TBCC: variants seen among roughly 807,000 people sequenced by gnomAD.
The protein encoded by TBCC is tubulin-specific chaperone C.
In TBCC, 25 loss-of-function variants were observed where a neutral mutation model predicts 25.3. The ratio of observed to expected loss-of-function variants is 0.99; its 90% confidence interval spans 0.72 to 1.38. TBCC has a LOEUF of 1.38. TBCC is among the 40% of genes most tolerant of loss of function. The pLI is 0.00. For synonymous variants in TBCC, 226 were observed against 192.8 expected (o/e 1.17, Z -1.43); for missense variants, 507 against 447.2 (o/e 1.13, Z -1.21).
Position 42,745,948 on chromosome 6 carries a change from C to T in TBCC, c.126G>A (p.Arg42=). 1.2e-6 allele frequency: 2 copies of T among 1,614,232 alleles called. No homozygotes were observed. The highest frequency in any genetic ancestry group is 1.7e-6 in the Non-Finnish European group (2 of 1,180,040). The change falls in exon 1 of 1, where the codon AGG becomes AGA. Residue 42 remains arginine (R), a synonymous_variant. Transcript: ENST00000372876. This position sits in a 1 kb window ranked among gnomAD's most constrained non-coding sequence, Gnocchi z 4.2. ...CCTGGTTCTGCCGCTTTTGTTTCCG[C>T]CTTTCAACTTCCAGCTGCCGTTCTT... ...REQERQLEVE[R]RKQKRQNQEV... is the part of the protein sequence containing the mutation.
Position 42,745,571 on chromosome 6 carries a change from G to C in TBCC, c.503C>G (p.Ser168Cys). ...IPPAVESIQD[S>C]PLPKKAEGDL... Reference sequence around the variant, plus strand: ...TCCTTCCGCCTTCTTGGGCAGCGGGGAGTCCTGTATGCTTTCAACTGCCGG... The same window carrying C: ...TCCTTCCGCCTTCTTGGGCAGCGGGCAGTCCTGTATGCTTTCAACTGCCGG... The change falls in exon 1 of 1, where the codon TCC becomes TGC. Residue 168 changes from serine to cysteine, a missense_variant. Ser to Cys is a moderately radical substitution (Grantham distance 112). Transcript: ENST00000372876. The surrounding 1 kb of genome is among the most constrained non-coding windows in gnomAD (Gnocchi z 4.2). 1 of 1,612,760 alleles carries C rather than the reference G, an allele frequency of 6.2e-7. No individual in the cohort carries two copies. The highest frequency in any genetic ancestry group is 8.5e-7 in the Non-Finnish European group (1 of 1,179,524).
rs376825498 is a variant in TBCC, at chr6:42,745,806, G to C, written c.268C>G (p.Arg90Gly). Reference protein sequence around the residue: ...SVERLEEAASRLQGLQKLIND... With the variant: ...SVERLEEAASGLQGLQKLIND... ...ATTAGTTTCTGCAGCCCCTGGAGCC[G>C]AGAGGCCGCCTCCTCCAGCCGCTCG... The change falls in exon 1 of 1, where the codon CGG becomes GGG. Residue 90 changes from arginine to glycine, a missense_variant. Physicochemically the swap from Arg to Gly is moderately radical, Grantham distance 125. Coordinates refer to ENST00000372876, the MANE Select transcript of TBCC (RefSeq NM_003192.3). This position sits in a 1 kb window ranked among gnomAD's most constrained non-coding sequence, Gnocchi z 4.2. 6.2e-7 allele frequency: 1 copy of C among 1,613,140 alleles called. No homozygotes were observed. Among genetic ancestry groups the C allele is most frequent in the Non-Finnish European group, 8.5e-7 (1 of 1,180,032 alleles).
At position 42,745,362 on chromosome 6, in the gene TBCC, C is replaced by T. The variant is rs1472255185; in HGVS notation, c.712G>A (p.Gly238Ser). 4 of 1,614,122 alleles carry T rather than the reference C, an allele frequency of 2.5e-6. No individual in the cohort carries two copies. The highest frequency in any genetic ancestry group is 2.5e-6 in the Non-Finnish European group (3 of 1,180,050). The change falls in exon 1 of 1, where the codon GGT becomes AGT. Residue 238 changes from glycine to serine, a missense_variant. Transcript: ENST00000372876. This position sits in a 1 kb window ranked among gnomAD's most constrained non-coding sequence, Gnocchi z 4.2. ...AGGAAAACAGAGGTAGACACCGGAC[C>T]GCAGAGCAGCTTGCAGCTGTGGGCC... Reference protein sequence around the residue: ...TKAHSCKLLCGPVSTSVFLED... With the variant: ...TKAHSCKLLCSPVSTSVFLED...
chr6:42,745,809 A>T lies in TBCC; in HGVS notation c.265T>A (p.Ser89Thr). 1.2e-6 allele frequency: 2 copies of T among 1,613,208 alleles called. No individual in the cohort carries two copies. The highest frequency in any genetic ancestry group is 1.7e-6 in the Non-Finnish European group (2 of 1,180,050). The stretch of plus-strand genomic sequence containing the variant: ...AGTTTCTGCAGCCCCTGGAGCCGAG[A>T]GGCCGCCTCCTCCAGCCGCTCGACC... ...ESVERLEEAASRLQGLQKLIN... is the reference protein window; with the variant it reads ...ESVERLEEAATRLQGLQKLIN... The change falls in exon 1 of 1, where the codon TCT becomes ACT. Residue 89 changes from serine (S) to threonine (T), a missense_variant. Coordinates refer to ENST00000372876, the MANE Select transcript of TBCC (RefSeq NM_003192.3). The surrounding 1 kb of genome is among the most constrained non-coding windows in gnomAD (Gnocchi z 4.2).
At position 42,745,782 on chromosome 6, in the gene TBCC, T is replaced by A. The variant is rs770331761; in HGVS notation, c.292A>T (p.Ile98Phe). 1 of 1,613,692 alleles carries A rather than the reference T, an allele frequency of 6.2e-7. No individual in the cohort carries two copies. Residue 98 changes from isoleucine (I) to phenylalanine (F), a missense_variant, in exon 1 of 1, where the codon ATC becomes TTC. Ile to Phe is a conservative substitution (Grantham distance 21). Coordinates refer to ENST00000372876, the MANE Select transcript of TBCC (RefSeq NM_003192.3). This position sits in a 1 kb window ranked among gnomAD's most constrained non-coding sequence, Gnocchi z 4.2. ...GCTAGGAAAAAAACTGAGTCGTTGA[T>A]TAGTTTCTGCAGCCCCTGGAGCCGA... The part of the protein sequence containing the change: ...ASRLQGLQKL[I>F]NDSVFFLAAY...
chr6:42,745,239 C>T lies in TBCC; in HGVS notation c.835G>A (p.Ala279Thr), dbSNP rs12175072. 351 of 1,614,240 alleles carry T rather than the reference C, an allele frequency of 2.2e-4. No individual in the cohort carries two copies. In the East Asian group the frequency reaches 5.8e-3, roughly 27 times the overall value. ...TRIFLQVTSR[A>T]IVEDCSGIQF... ...ATCCCACTGCAGTCCTCCACGATGG[C>T]CCTGCTGGTCACCTGCAGGAAGATG... The change falls in exon 1 of 1, where the codon GCC (alanine) becomes ACC (threonine). Residue 279 changes from alanine to threonine, a missense_variant. Physicochemically the swap from Ala to Thr is moderately conservative, Grantham distance 58. Coordinates refer to ENST00000372876, the MANE Select transcript of TBCC (RefSeq NM_003192.3). This position sits in a 1 kb window ranked among gnomAD's most constrained non-coding sequence, Gnocchi z 4.2.
chr6:42,744,872 C>A lies in TBCC; in HGVS notation c.*161G>T, dbSNP rs41273822. The A allele has an allele frequency of 1.4e-6, 1 of 707,808 alleles. No homozygotes were observed. The highest frequency in any genetic ancestry group is 2.9e-5 in the Admixed American group (1 of 34,194). The allele number at this position is 707,808 out of a possible 1,614,324, so 43.8% of individuals were successfully genotyped here. ...AAATGCTTTAGTGTTATACCTGTTA[C>A]GAATTTAATGGAAATTACAAGTAGG... On this transcript the variant is annotated 3_prime_UTR_variant, in exon 1 of 1. Transcript: ENST00000372876.
chr6:42,744,967 C>A lies in TBCC; in HGVS notation c.*66G>T. 2 of 1,480,180 alleles carry A rather than the reference C, an allele frequency of 1.4e-6. No homozygotes were observed. Among genetic ancestry groups the A allele is most frequent in the South Asian group, 1.2e-5 (1 of 80,250 alleles). The allele number at this position is 1,480,180 out of a possible 1,614,324, so 91.7% of individuals were successfully genotyped here. A position where few individuals can be genotyped will look rare whatever the true frequency, so the allele number is the denominator to read the frequency against. The stretch of plus-strand genomic sequence containing the variant: ...GTGTGACAATAAGTAAACTTCGAGA[C>A]CCAATAAGGGGGAAAGTCCAACGTG... On this transcript the variant is annotated 3_prime_UTR_variant, in exon 1 of 1. Coordinates refer to ENST00000372876, the MANE Select transcript of TBCC (RefSeq NM_003192.3).
At position 42,745,059 on chromosome 6, in the gene TBCC, C is replaced by A. The variant is rs200122342; in HGVS notation, c.1015G>T (p.Glu339Ter). ...TAGTCCCACTGGATATTTCGCTCCT[C>A]TTCAGGAAGAATACTCCAGTTTGGG... Reference protein sequence around the residue: ...ASPNWSILPEEERNIQWD With the variant: ...ASPNWSILPE Residue 339 changes from glutamate (E) to a stop codon, truncating the protein, a stop_gained, in exon 1 of 1, where the codon GAG (glutamate) becomes TAG (stop). Coordinates refer to ENST00000372876, the MANE Select transcript of TBCC (RefSeq NM_003192.3). LOFTEE classifies it high-confidence loss of function. This position sits in a 1 kb window ranked among gnomAD's most constrained non-coding sequence, Gnocchi z 4.2. 1 of 1,614,082 alleles carries A rather than the reference C, an allele frequency of 6.2e-7. No individual in the cohort carries two copies. The highest frequency in any genetic ancestry group is 1.1e-5 in the South Asian group (1 of 91,084).
In TBCC at chr6:42,745,372, C is replaced by T. The variant is rs773481378; in HGVS notation, c.702G>A (p.Lys234=). Residue 234 remains lysine, a synonymous_variant, in exon 1 of 1, where the codon AAG becomes AAA. Transcript: ENST00000372876. This position sits in a 1 kb window ranked among gnomAD's most constrained non-coding sequence, Gnocchi z 4.2. ...AGGTAGACACCGGACCGCAGAGCAG[C>T]TTGCAGCTGTGGGCCTTGGTTAGCC... The part of the protein sequence containing the change: ...TLRLTKAHSC[K]LLCGPVSTSV... 3.1e-6 allele frequency: 5 copies of T among 1,614,240 alleles called. No homozygotes were observed. Among genetic ancestry groups the T allele is most frequent in the Non-Finnish European group, 4.2e-6 (5 of 1,180,048 alleles).
rs986263688 is a variant in TBCC at position 42,746,023 on chromosome 6, C to A, written c.51G>T (p.Glu17Asp). The change falls in exon 1 of 1, where the codon GAG (glutamate) becomes GAT (aspartate). Residue 17 changes from glutamate to aspartate, a missense_variant. Transcript: ENST00000372876. ...SAAAVRTGDM[E>D]SQRDLSLVPE... ...GCACCAGGCTCAGGTCCCGCTGGGA[C>A]TCCATGTCTCCGGTCCTGACAGCAG... 3.1e-6 allele frequency: 5 copies of A among 1,614,100 alleles called. No homozygotes were observed. The highest frequency in any genetic ancestry group is 4.2e-6 in the Non-Finnish European group (5 of 1,180,048).
Position 42,744,907 on chromosome 6 carries a change from C to CAATCT in TBCC, c.*121_*125dup. On this transcript the variant is annotated 3_prime_UTR_variant, in exon 1 of 1. Transcript: ENST00000372876. ...GGAAATTACAAGTAGGAGCCCATTA[C>CAATCT]AATCTCTAGCCTTAAAATGCTGAAA... 1.1e-6 allele frequency: 1 copy of CAATCT among 892,154 alleles called. No homozygotes were observed. The highest frequency in any genetic ancestry group is 1.8e-5 in the South Asian group (1 of 56,768). 55.3% of individuals were successfully genotyped at this position (892,154 alleles called of 1,614,324 possible).
rs200694990 is a variant in TBCC at position 42,745,671 on chromosome 6, T to G, written c.403A>C (p.Lys135Gln). 8.4e-5 allele frequency: 135 copies of G among 1,611,906 alleles called. No individual in the cohort carries two copies. The African/African-American group carries it at 1.6e-3, about 19-fold the overall frequency. The part of the protein sequence containing the change: ...AERRRGLQPK[K>Q]RFAFKTRGKD... Reference sequence around the variant, plus strand: ...CCCCGGGTCTTGAAAGCGAAACGCTTCTTGGGCTGCAGCCCCCGGCGCCGC... The same window carrying G: ...CCCCGGGTCTTGAAAGCGAAACGCTGCTTGGGCTGCAGCCCCCGGCGCCGC... Residue 135 changes from lysine to glutamine, a missense_variant, in exon 1 of 1, where the codon AAG becomes CAG. Physicochemically the swap from Lys to Gln is moderately conservative, Grantham distance 53. Coordinates refer to ENST00000372876, the MANE Select transcript of TBCC (RefSeq NM_003192.3). This position sits in a 1 kb window ranked among gnomAD's most constrained non-coding sequence, Gnocchi z 4.2.
rs756609966 is a variant in TBCC, at chr6:42,745,348, G to A, written c.726C>T (p.Thr242=). Residue 242 remains threonine, a synonymous_variant, in exon 1 of 1, where the codon ACC becomes ACT. Coordinates refer to ENST00000372876, the MANE Select transcript of TBCC (RefSeq NM_003192.3). This position sits in a 1 kb window ranked among gnomAD's most constrained non-coding sequence, Gnocchi z 4.2. ...SCKLLCGPVS[T]SVFLEDCSDC... ...CACTGCAGTCCTCCAGGAAAACAGA[G>A]GTAGACACCGGACCGCAGAGCAGCT... The A allele has an allele frequency of 2.5e-6, 4 of 1,614,236 alleles. No homozygotes were observed. Among genetic ancestry groups the A allele is most frequent in the Non-Finnish European group, 3.4e-6 (4 of 1,180,038 alleles).
In TBCC at chr6:42,745,349, G is replaced by A; in HGVS notation, c.725C>T (p.Thr242Ile). ...ACTGCAGTCCTCCAGGAAAACAGAG[G>A]TAGACACCGGACCGCAGAGCAGCTT... is the stretch of plus-strand genomic sequence containing the variant. ...SCKLLCGPVS[T>I]SVFLEDCSDC... Residue 242 changes from threonine to isoleucine, a missense_variant, in exon 1 of 1, where the codon ACC becomes ATC. Transcript: ENST00000372876. The surrounding 1 kb of genome is among the most constrained non-coding windows in gnomAD (Gnocchi z 4.2). The A allele has an allele frequency of 1.2e-6, 2 of 1,614,238 alleles. No individual in the cohort carries two copies. Among genetic ancestry groups the A allele is most frequent in the Middle Eastern group, 1.7e-4 (1 of 6,060 alleles).
At position 42,745,991 on chromosome 6, in the gene TBCC, C is replaced by T. The variant is rs1333942550; in HGVS notation, c.83G>A (p.Arg28Gln). Residue 28 changes from arginine (R) to glutamine (Q), a missense_variant, in exon 1 of 1, where the codon CGG (arginine) becomes CAG (glutamine). Coordinates refer to ENST00000372876, the MANE Select transcript of TBCC (RefSeq NM_003192.3). The surrounding 1 kb of genome is among the most constrained non-coding windows in gnomAD (Gnocchi z 4.2). The part of the protein sequence containing the change: ...SQRDLSLVPE[R>Q]LQRREQERQL... The stretch of plus-strand genomic sequence containing the variant: ...CCGTTCTTGTTCGCGTCTCTGAAGC[C>T]GCTCAGGCACCAGGCTCAGGTCCCG... The T allele has an allele frequency of 6.2e-7, 1 of 1,614,214 alleles. No individual in the cohort carries two copies.
rs372144836 is a variant in TBCC, at chr6:42,745,603, G to A, written c.471C>T (p.Gly157=). ...ASSTKVDAAP[G]IPPAVESIQD... is the part of the protein sequence containing the mutation. ...GTATGCTTTCAACTGCCGGGGGGAT[G>A]CCAGGAGCCGCGTCTACTTTGGTAG... The change falls in exon 1 of 1, where the codon GGC becomes GGT. Residue 157 remains glycine (G), a synonymous_variant. Coordinates refer to ENST00000372876, the MANE Select transcript of TBCC (RefSeq NM_003192.3). This position sits in a 1 kb window ranked among gnomAD's most constrained non-coding sequence, Gnocchi z 4.2. The A allele has an allele frequency of 2.5e-6, 4 of 1,611,360 alleles. No individual in the cohort carries two copies. The highest frequency in any genetic ancestry group is 2.7e-5 in the African/African-American group (2 of 74,908).
At position 42,745,044 on chromosome 6, in the gene TBCC, G is replaced by A. The variant is rs1762233524; in HGVS notation, c.1030C>T (p.Gln344Ter). 1 of 1,613,898 alleles carries A rather than the reference G, an allele frequency of 6.2e-7. No homozygotes were observed. Among genetic ancestry groups the A allele is most frequent in the Non-Finnish European group, 8.5e-7 (1 of 1,179,870 alleles). The change falls in exon 1 of 1, where the codon CAG becomes TAG. Residue 344 changes from glutamine (Q) to a stop codon, truncating the protein, a stop_gained. Coordinates refer to ENST00000372876, the MANE Select transcript of TBCC (RefSeq NM_003192.3). LOFTEE classifies it high-confidence loss of function. This position sits in a 1 kb window ranked among gnomAD's most constrained non-coding sequence, Gnocchi z 4.2. ...AGAGTGACAACTGCTTAGTCCCACT[G>A]GATATTTCGCTCCTCTTCAGGAAGA... Reference protein sequence around the residue: ...SILPEEERNIQWD With the variant: ...SILPEEERNI
Position 42,745,153 on chromosome 6 carries a change from A to ACC in TBCC, c.919_920dup (p.Leu308ValfsTer2). On this transcript the variant is annotated frameshift_variant, in exon 1 of 1. Coordinates refer to ENST00000372876, the MANE Select transcript of TBCC (RefSeq NM_003192.3). LOFTEE classifies it high-confidence loss of function. This position sits in a 1 kb window ranked among gnomAD's most constrained non-coding sequence, Gnocchi z 4.2. ...TCCAGTTATTTTTGCTCCTATCTAA[A>ACC]CCAGAGCTCTCGAAGTCCTTGTCGA... 2 of 1,614,146 alleles carry ACC rather than the reference A, an allele frequency of 1.2e-6. No homozygotes were observed. The highest frequency in any genetic ancestry group is 1.7e-6 in the Non-Finnish European group (2 of 1,180,020).
Sources: allele counts gnomAD v4.1 joint callset, GRCh38; gene constraint gnomAD v4.1.1; non-coding constraint Gnocchi (gnomAD v3.1); transcripts MANE v1.5; gene names NCBI Gene and HGNC (gene_info 2026-07-23, HGNC 2026-07-21).